Variants in L3MBTL4 observed in about 807,000 individuals in gnomAD.
L3MBTL4 encodes the protein lethal(3)malignant brain tumor-like protein 4.
L3MBTL4 carries 70 observed loss-of-function variants against 84.5 expected under a neutral mutation model. The observed-to-expected ratio is 0.83, with a 90% CI of 0.68 to 1.01. L3MBTL4 has a LOEUF of 1.01. L3MBTL4 is among the 50% of genes least tolerant of loss of function. L3MBTL4 has a pLI of 0.00. For missense variants in L3MBTL4, 715 were observed against 754.8 expected (o/e 0.95, Z 0.62); for synonymous variants, 274 against 259.8 (o/e 1.05, Z -0.52).
At chr18:5,962,098 G>A (rs1446141602) in intron 17 of L3MBTL4, among the ~76,000 whole-genome samples, 7 of 152,260 alleles carry the variant, frequency 4.6e-5, no homozygotes, top group Non-Finnish European at 1.0e-4. Context: ...TTTGATTAGC[G>A]GTGGAGGATT....
chr18:6,080,800 TA>T, intron 16 of L3MBTL4, 80 bp downstream of exon 16: 1 of 1,070,012 alleles, frequency 9.3e-7, no homozygotes, highest in Non-Finnish European at 1.4e-6. Flanking sequence ...GTTGGAATGA[TA>T]AAACCAAACA....
At chr18:6,244,327 T>A (rs183913674) in intron 6 of L3MBTL4, among the ~76,000 whole-genome samples, 157 bp downstream of exon 6, 1 of 152,232 alleles carries the variant, frequency 6.6e-6, no homozygotes, top group East Asian at 1.9e-4. Context: ...AGGAAAAAAA[T>A]TCACTAAGAA....
At chr18:6,186,845 G>T (rs978578620) in intron 12 of L3MBTL4, among the ~76,000 whole-genome samples, 1 of 152,214 alleles carries the variant, frequency 6.6e-6, no homozygotes, top group Non-Finnish European at 1.5e-5. Flanking sequence ...AGATGTGGGG[G>T]CTGTGAGGGG....
intron 15 of L3MBTL4, among the ~76,000 whole-genome samples, chr18:6,085,242 A>G (rs2058219549): frequency 7.1e-6 from 1 of 140,000 alleles, no homozygotes. Flanking sequence ...AACCATGGTC[A>G]TTAGGGGAAT....
chr18:6,131,751 G>C (rs982103356), intron 14 of L3MBTL4, among the ~76,000 whole-genome samples: 1 of 152,106 alleles, frequency 6.6e-6, no homozygotes, highest in African/African-American at 2.4e-5. Flanking sequence ...GTGTGTGTGC[G>C]CAAGTGCATG....
chr18:6,248,773 G>A (rs530292826), intron 5 of L3MBTL4, among the ~76,000 whole-genome samples: 14 of 152,036 alleles, frequency 9.2e-5, no homozygotes, highest in South Asian at 2.1e-4. Context: ...ACTATTACAC[G>A]TACTCTTTTT....
intron 16 of L3MBTL4, among the ~76,000 whole-genome samples, chr18:5,980,409 G>T (rs965997522): frequency 6.8e-6 from 1 of 146,266 alleles, no homozygotes; most frequent in East Asian, 2.1e-4. Context: ...TGTTGAAAAC[G>T]TATAAATAAA....
At position 5,956,003 on chromosome 18, in the gene L3MBTL4, C is replaced by G. The variant is rs1038941501; in HGVS notation, c.*217G>C. The G allele has an allele frequency of 2.1e-6, 1 of 485,690 alleles. No individual in the cohort carries two copies. 30.1% of individuals were successfully genotyped at this position (485,690 alleles called of 1,614,324 possible). The stretch of plus-strand genomic sequence containing the variant: ...GGATCCCACCAAAGATAACAATGTT[C>G]GTAAACCAAACCCACAGATGGGCCT... On this transcript the variant is annotated 3_prime_UTR_variant, in exon 19 of 19. Transcript: ENST00000317931.
At chr18:6,140,785 C>T (rs1025315520) in intron 13 of L3MBTL4, among the ~76,000 whole-genome samples, 1 of 151,998 alleles carries the variant, frequency 6.6e-6, no homozygotes, top group Non-Finnish European at 1.5e-5. Flanking sequence ...AAAACAAAAG[C>T]TTACAACTCT....
chr18:6,256,350 G>C (rs2048138299), intron 5 of L3MBTL4, among the ~76,000 whole-genome samples: 1 of 151,986 alleles, frequency 6.6e-6, no homozygotes, highest in African/African-American at 2.4e-5. Context: ...TTTCAAGTAA[G>C]GAAGACAAAG....
chr18:6,174,371 T>C (rs1202881770), intron 12 of L3MBTL4, among the ~76,000 whole-genome samples: 3 of 152,040 alleles, frequency 2.0e-5, no homozygotes, highest in Admixed American at 6.6e-5. Context: ...ATGGTCTAAA[T>C]GAGTGAACAG....
intron 16 of L3MBTL4, among the ~76,000 whole-genome samples, chr18:6,040,878 G>C (rs2056371276): frequency 6.6e-6 from 1 of 152,286 alleles, no homozygotes; most frequent in East Asian, 1.9e-4. Context: ...AGGAGATTAA[G>C]TCAACATAAT....
At chr18:6,332,649 G>A (rs1034842946) in intron 1 of L3MBTL4, among the ~76,000 whole-genome samples, 6 of 152,192 alleles carry the variant, frequency 3.9e-5, no homozygotes, top group East Asian at 1.9e-4. Context: ...TGCAGGGGCC[G>A]CTAAGTAAAA....
intron 14 of L3MBTL4, among the ~76,000 whole-genome samples, chr18:6,127,591 C>G (rs1234173988): frequency 2.0e-5 from 3 of 152,174 alleles, no homozygotes; most frequent in Non-Finnish European, 4.4e-5. Flanking sequence ...TCCTTTCTCT[C>G]TCTACTAAAA....
chr18:6,360,888 T>C (rs1429848941), intron 1 of L3MBTL4, among the ~76,000 whole-genome samples: 2 of 150,978 alleles, frequency 1.3e-5, no homozygotes, highest in East Asian at 3.9e-4. Flanking sequence ...TAGCATACTT[T>C]TGTAGTCTCA....
chr18:6,071,109 G>C (rs905969589), intron 16 of L3MBTL4, among the ~76,000 whole-genome samples: 7 of 152,220 alleles, frequency 4.6e-5, no homozygotes, highest in African/African-American at 1.7e-4. Context: ...GGTAGCAATA[G>C]GCTGGACACA....
At chr18:6,078,126 A>G (rs2143145621) in intron 16 of L3MBTL4, among the ~76,000 whole-genome samples, 1 of 150,936 alleles carries the variant, frequency 6.6e-6, no homozygotes, top group African/African-American at 2.4e-5. Context: ...AAAAAAAAAA[A>G]AAAGCTGGCA....
chr18:5,973,536 C>CTT (rs5822883), intron 16 of L3MBTL4, among the ~76,000 whole-genome samples: 8 of 151,934 alleles, frequency 5.3e-5, no homozygotes, highest in African/African-American at 1.9e-4. Context: ...CTGATTTTAA[C>CTT]TTTTTTTTAC....
intron 5 of L3MBTL4, among the ~76,000 whole-genome samples, chr18:6,248,690 C>T (rs2047792155): frequency 6.6e-6 from 1 of 152,154 alleles, no homozygotes. Context: ...AGGCAGCATA[C>T]TATACATGCT....
Sources: allele counts gnomAD v4.1 joint callset (sites outside exome capture counted in the v4.1 genomes callset), GRCh38; gene constraint gnomAD v4.1.1; transcripts MANE v1.5; gene names NCBI Gene and HGNC (gene_info 2026-07-23, HGNC 2026-07-21).